LRRK1: variants seen among roughly 807,000 people sequenced by gnomAD.
The protein encoded by LRRK1 is leucine rich repeat kinase 1, also known as leucine-rich repeat serine/threonine-protein kinase 1.
A neutral mutation model predicts 209.1 loss-of-function variants in LRRK1; 113 were observed. The ratio of observed to expected loss-of-function variants is 0.54; its 90% CI spans 0.46 to 0.63. LRRK1 has a LOEUF of 0.63. Among genes scored for constraint, LRRK1 ranks in the 30% least tolerant of loss-of-function variants. The pLI is 0.00. For missense variants in LRRK1, 2,284 were observed against 2,632.2 expected (o/e 0.87, Z 2.89); for synonymous variants, 1,144 against 1,099.7 (o/e 1.04, Z -0.80).
intron 21 of LRRK1, among the ~76,000 whole-genome samples, chr15:101,047,678 C>G (rs961381357): frequency 6.6e-6 from 1 of 152,230 alleles, no homozygotes; most frequent in African/African-American, 2.4e-5. Context: ...AAAGCTGAGC[C>G]GTAATCCCCA....
In LRRK1 at chr15:101,014,553, A is replaced by C. The variant is rs1264350076; in HGVS notation, c.1532+125A>C. The stretch of plus-strand genomic sequence containing the variant: ...CTGAGCCGCCAGCTGGGGGCTTAAC[A>C]ACAGAAATCACTGCCTCACAGCCCT... On this transcript the variant is annotated intron_variant, in intron 11 of 33. Transcript: ENST00000388948. 35 of 688,380 alleles carry C rather than the reference A, an allele frequency of 5.1e-5. No homozygotes were observed. In the East Asian group the frequency reaches 8.0e-4, roughly 16 times the overall value. The allele number at this position is 688,380 out of a possible 1,614,324, so 42.6% of individuals were successfully genotyped here.
At position 101,075,019 on chromosome 15, in the gene LRRK1, T is replaced by A. The variant is rs2141178001; in HGVS notation, c.*6171T>A. On this transcript the variant is annotated 3_prime_UTR_variant, in exon 34 of 34. Coordinates refer to ENST00000388948, the MANE Select transcript of LRRK1 (RefSeq NM_024652.6). Reference sequence around the variant, plus strand: ...TGGCTTAGCGGCTGAAGACTGACACTGCCCGATCACCTCGGAAGCCCCCTA... The same window carrying A: ...TGGCTTAGCGGCTGAAGACTGACACAGCCCGATCACCTCGGAAGCCCCCTA... 8.2e-6 allele frequency: 1 copy of A among 121,500 alleles called. No individual in the cohort carries two copies. Among genetic ancestry groups the A allele is most frequent in the African/African-American group, 3.2e-5 (1 of 31,512 alleles). The allele number at this position is 121,500 out of a possible 1,614,324, so 7.5% of individuals were successfully genotyped here.
At chr15:100,942,088 G>A (rs962624471) in intron 2 of LRRK1, among the ~76,000 whole-genome samples, 1 of 152,218 alleles carries the variant, frequency 6.6e-6, no homozygotes. Flanking sequence ...GGAGCAGGAG[G>A]TGGTGGCTGC....
intron 28 of LRRK1, 146 bp from the exon 29 acceptor site, chr15:101,057,844 C>G (rs1025002264): frequency 2.3e-6 from 2 of 866,600 alleles, no homozygotes; most frequent in African/African-American, 3.3e-5. Flanking sequence ...ACGTCTGAAG[C>G]TGTTTCAGCC....
At chr15:100,927,792 T>G (rs1027986937) in intron 2 of LRRK1, among the ~76,000 whole-genome samples, 4 of 152,218 alleles carry the variant, frequency 2.6e-5, no homozygotes, top group African/African-American at 9.6e-5. Flanking sequence ...CTCAGAGTTT[T>G]AAGGTCCCAC....
Position 101,053,305 on chromosome 15 carries a change from G to A in LRRK1, c.3939G>A (p.Ala1313=), listed in dbSNP as rs767380225. 54 of 1,605,562 alleles carry A rather than the reference G, an allele frequency of 3.4e-5. No homozygotes were observed. Among genetic ancestry groups the A allele is most frequent in the Non-Finnish European group, 4.1e-5 (48 of 1,179,750 alleles). ...EFRQEASMLH[A]LQHPCIVALI... ...GGCAGGAGGCCAGCATGCTGCACGC[G>A]CTGCAGCACCCCTGCATCGTGGCGC... Residue 1313 remains alanine, a synonymous_variant, in exon 26 of 34, where the codon GCG becomes GCA. Coordinates refer to ENST00000388948, the MANE Select transcript of LRRK1 (RefSeq NM_024652.6).
At chr15:100,955,095 T>G (rs2042726714) in intron 2 of LRRK1, among the ~76,000 whole-genome samples, 2 of 152,270 alleles carry the variant, frequency 1.3e-5, no homozygotes, top group South Asian at 4.1e-4. Flanking sequence ...TCACTTTGAG[T>G]AGTATGGACA....
chr15:100,983,493 C>T, intron 3 of LRRK1, 35 bp from the exon 4 acceptor site: 1 of 1,533,968 alleles, frequency 6.5e-7, no homozygotes, highest in Non-Finnish European at 8.8e-7. Flanking sequence ...CCTAATAGAG[C>T]CAGTCTCACT....
intron 2 of LRRK1, among the ~76,000 whole-genome samples, chr15:100,954,074 C>T (rs2042708248): frequency 6.6e-6 from 1 of 152,070 alleles, no homozygotes; most frequent in African/African-American, 2.4e-5. Flanking sequence ...CACCACCACG[C>T]CTGGCTAATT....
chr15:101,001,323 G>A (rs991149883), intron 6 of LRRK1, among the ~76,000 whole-genome samples: 8 of 152,092 alleles, frequency 5.3e-5, no homozygotes, highest in African/African-American at 1.4e-4. Flanking sequence ...TGCAGCCATC[G>A]TCTCATCTCT....
chr15:100,951,066 G>A (rs11629644), intron 2 of LRRK1, among the ~76,000 whole-genome samples: 5,871 of 152,308 alleles, frequency 0.039, 217 homozygotes, highest in African/African-American at 0.095. Flanking sequence ...TTGCGCCACC[G>A]CACTCCAGCC....
chr15:100,958,241 T>C (rs954678169), intron 2 of LRRK1, among the ~76,000 whole-genome samples: 4 of 152,220 alleles, frequency 2.6e-5, no homozygotes, highest in African/African-American at 9.6e-5. Context: ...TTAAGCAGCA[T>C]TTTTAAATAA....
intron 2 of LRRK1, among the ~76,000 whole-genome samples, chr15:100,926,564 C>T (rs1167464340): frequency 7.5e-6 from 1 of 133,402 alleles, no homozygotes; most frequent in Admixed American, 7.6e-5. Flanking sequence ...AGGGCCCTGG[C>T]ACCACCTGGA....
At chr15:100,991,344 C>T (rs1401081907) in intron 6 of LRRK1, among the ~76,000 whole-genome samples, 1 of 152,178 alleles carries the variant, frequency 6.6e-6, no homozygotes, top group Non-Finnish European at 1.5e-5. Context: ...CTATTTTGCT[C>T]ATTTCCCACA....
intron 27 of LRRK1, 94 bp from the exon 28 acceptor site, chr15:101,056,762 C>A: frequency 1.1e-6 from 1 of 940,458 alleles, no homozygotes; most frequent in Non-Finnish European, 1.6e-6. Context: ...TTTTCCTTGT[C>A]TAATTGTGTC....
At position 101,074,947 on chromosome 15, in the gene LRRK1, G is replaced by A. The variant is rs1197645711; in HGVS notation, c.*6099G>A. 3 of 148,150 alleles carry A rather than the reference G, an allele frequency of 2.0e-5. No homozygotes were observed. The highest frequency in any genetic ancestry group is 1.9e-4 in the East Asian group (1 of 5,134). 9.2% of individuals were successfully genotyped at this position (148,150 alleles called of 1,614,324 possible). A position where few individuals can be genotyped will look rare whatever the true frequency, so the allele number is the denominator to read the frequency against. On this transcript the variant is annotated 3_prime_UTR_variant, in exon 34 of 34. Coordinates refer to ENST00000388948, the MANE Select transcript of LRRK1 (RefSeq NM_024652.6). Reference sequence around the variant, plus strand: ...CCTGGCAGCCACTCCCAGAGCCCCTGGAACTCCGGCCCAAGGCTCTCTGAC... The same window carrying A: ...CCTGGCAGCCACTCCCAGAGCCCCTAGAACTCCGGCCCAAGGCTCTCTGAC...
At chr15:101,028,658 G>T (rs1157344168) in intron 19 of LRRK1, among the ~76,000 whole-genome samples, 1 of 152,252 alleles carries the variant, frequency 6.6e-6, no homozygotes, top group Non-Finnish European at 1.5e-5. Flanking sequence ...CTGATTTGGA[G>T]GTTGCAGATC....
chr15:100,961,925 G>A (rs115179738), intron 2 of LRRK1, among the ~76,000 whole-genome samples: 1,793 of 152,332 alleles, frequency 0.012, 28 homozygotes, highest in African/African-American at 0.04. Context: ...ACCAATACAT[G>A]AAACATTATT....
intron 3 of LRRK1, among the ~76,000 whole-genome samples, chr15:100,978,341 A>G (rs902170378): frequency 4.6e-5 from 7 of 152,222 alleles, no homozygotes; most frequent in African/African-American, 1.7e-4. Context: ...CAAAGAAACA[A>G]TGGCTGAAAG....
Sources: gnomAD v4.1 joint callset for allele counts (sites outside exome capture counted in the v4.1 genomes callset) on GRCh38, gnomAD v4.1.1 for gene constraint, MANE v1.5 for transcripts, NCBI Gene and HGNC (gene_info 2026-07-23, HGNC 2026-07-21) for gene names.